PKHD1: variants seen among roughly 807,000 people sequenced by gnomAD.
PKHD1 encodes the protein PKHD1 ciliary IPT domain containing fibrocystin/polyductin, also known as fibrocystin.
Under a neutral mutation model 412.0 loss-of-function variants are expected in PKHD1, and 291 were observed. That is an observed-to-expected ratio of 0.71 (90% CI 0.64 to 0.78). The LOEUF (loss-of-function observed/expected upper bound fraction) is 0.78. Ranked by LOEUF, PKHD1 falls within the 30% of genes least tolerant of loss-of-function variation. The pLI, the probability that PKHD1 is intolerant of heterozygous loss-of-function variation, is 0.00. For synonymous variants in PKHD1, 1,777 were observed against 1,821.5 expected, an observed-to-expected ratio of 0.98 and a Z score of 0.62; for missense variants, 4,825 against 4,950.7, an observed-to-expected ratio of 0.97 and a Z score of 0.76.
intron 55 of PKHD1, among the ~76,000 whole-genome samples, chr6:51,767,524 T>C (rs1393115659): frequency 6.6e-6 from 1 of 152,120 alleles, no homozygotes; most frequent in East Asian, 1.9e-4. Context: ...TGTCCATGTG[T>C]TCTCATTGTT....
At chr6:52,018,412 A>C (rs909607109) in intron 33 of PKHD1, among the ~76,000 whole-genome samples, 3 of 152,224 alleles carry the variant, frequency 2.0e-5, no homozygotes, top group Admixed American at 2.0e-4. Flanking sequence ...AATTACAAGC[A>C]CTTGAAATTA....
At chr6:51,740,814 G>C (rs1784458791) in intron 60 of PKHD1, among the ~76,000 whole-genome samples, 1 of 152,198 alleles carries the variant, frequency 6.6e-6, no homozygotes, top group Non-Finnish European at 1.5e-5. Context: ...CATTTACTAT[G>C]TGCTGTCTCT....
chr6:51,768,297 T>TACATTAG (rs1229074945), intron 55 of PKHD1, among the ~76,000 whole-genome samples: 13 of 152,112 alleles, frequency 8.5e-5, no homozygotes, highest in Admixed American at 7.9e-4. Context: ...TTCTGATGCA[T>TACATTAG]ACATTAGACC....
chr6:51,664,447 C>G lies in PKHD1; in HGVS notation c.10157-4478G>C, dbSNP rs1047946925. On this transcript the variant is annotated intron_variant, in intron 60 of 66. Coordinates refer to ENST00000371117, the MANE Select transcript of PKHD1 (RefSeq NM_138694.4). Reference sequence around the variant, plus strand: ...CACCCTGGAGAGTTTAGCCCAGGACCGGTCCATGAGGAAACTCAGGAATAA... The same window carrying G: ...CACCCTGGAGAGTTTAGCCCAGGACGGGTCCATGAGGAAACTCAGGAATAA... Among the ~76,000 whole-genome samples, 4 of 152,094 alleles carry G rather than the reference C, an allele frequency of 2.6e-5. No homozygotes were observed. In the East Asian group the frequency reaches 7.7e-4, roughly 29 times the overall value.
At chr6:51,771,335 T>C (rs926650375) in intron 55 of PKHD1, among the ~76,000 whole-genome samples, 3 of 152,094 alleles carry the variant, frequency 2.0e-5, no homozygotes, top group African/African-American at 7.2e-5. Flanking sequence ...TTAGAATTTG[T>C]TTTAGGCCAG....
rs11392839 is a variant in PKHD1, at chr6:51,996,169, CTT to C, written c.5751+14138_5751+14139del. On this transcript the variant is annotated intron_variant, in intron 35 of 66. Transcript: ENST00000371117. ...TACAGGCGCCTGCCACGACGCCTGG[CTT>C]TTTTTTTTTTTTTTTTTTCAGTAGA... 8.0e-3 allele frequency among the ~76,000 whole-genome samples: 794 copies of C among 98,906 alleles called. 8 individuals carry two copies. The highest frequency in any genetic ancestry group is 0.027 in the African/African-American group (736 of 26,998). 64.9% of individuals were successfully genotyped at this position (98,906 alleles called of 152,430 possible).
intron 64 of PKHD1, 139 bp from the exon 65 acceptor site, chr6:51,632,862 A>G: frequency 1.8e-6 from 1 of 540,948 alleles, no homozygotes; most frequent in South Asian, 3.3e-5. Context: ...AATTTAATAA[A>G]TACATAAATT....
At chr6:51,740,166 CTGCACA>C (rs1245329793) in intron 60 of PKHD1, 5 of 384,908 alleles carry the variant, frequency 1.3e-5, no homozygotes, top group Non-Finnish European at 2.6e-5. Context: ...TCCAAGTTGG[CTGCACA>C]TGCAAACTTA....
At chr6:52,009,503 A>T (rs940484967) in intron 35 of PKHD1, among the ~76,000 whole-genome samples, 1 of 152,194 alleles carries the variant, frequency 6.6e-6, no homozygotes, top group African/African-American at 2.4e-5. Context: ...CAAATAAAAG[A>T]GACAAAAAGA....
intron 53 of PKHD1, 123 bp downstream of exon 53, chr6:51,791,110 CACT>C (rs1793665148): frequency 1.1e-6 from 1 of 925,440 alleles, no homozygotes; most frequent in Admixed American, 1.7e-5. Flanking sequence ...CTGGTGCACT[CACT>C]ACTACCTTAA....
At chr6:51,885,382 C>G (rs1008271402) in intron 45 of PKHD1, among the ~76,000 whole-genome samples, 1 of 152,054 alleles carries the variant, frequency 6.6e-6, no homozygotes, top group Non-Finnish European at 1.5e-5. Context: ...ACGAACAGTG[C>G]TTTTTCTTAA....
At chr6:51,989,059 GC>G (rs1287551491) in intron 35 of PKHD1, among the ~76,000 whole-genome samples, 2 of 152,194 alleles carry the variant, frequency 1.3e-5, no homozygotes, top group Non-Finnish European at 2.9e-5. Context: ...GCTTTTGGAA[GC>G]GATATCTTTA....
chr6:51,947,170 C>T (rs1057041497), intron 36 of PKHD1, among the ~76,000 whole-genome samples: 2 of 152,214 alleles, frequency 1.3e-5, no homozygotes, highest in African/African-American at 4.8e-5. Context: ...ATCTCAGGCT[C>T]AATGCTCAGT....
chr6:51,826,313 T>C (rs192895988), intron 52 of PKHD1, among the ~76,000 whole-genome samples: 2 of 152,184 alleles, frequency 1.3e-5, no homozygotes, highest in Non-Finnish European at 2.9e-5. Flanking sequence ...CTCCCATTCA[T>C]GTCTTCAAAT....
chr6:52,007,273 T>C (rs1799209151), intron 35 of PKHD1, among the ~76,000 whole-genome samples: 1 of 152,228 alleles, frequency 6.6e-6, no homozygotes, highest in African/African-American at 2.4e-5. Flanking sequence ...CACACTGTTA[T>C]CCATAGTGAT....
At chr6:51,934,851 A>G (rs1250109939) in intron 36 of PKHD1, among the ~76,000 whole-genome samples, 1 of 152,206 alleles carries the variant, frequency 6.6e-6, no homozygotes, top group East Asian at 1.9e-4. Flanking sequence ...CCCATTGACT[A>G]GAGCTGAGTG....
intron 49 of PKHD1, among the ~76,000 whole-genome samples, chr6:51,855,551 G>T (rs568235381): frequency 2.0e-5 from 3 of 152,104 alleles, no homozygotes; most frequent in African/African-American, 7.2e-5. Context: ...GGGTAAATTG[G>T]CTATTGACCA....
Position 52,028,333 on chromosome 6 carries a change from A to G in PKHD1, c.3383T>C (p.Ile1128Thr), listed in dbSNP as rs78624439. ...ATAGTTCATCAGCCTCGCCACTCCA[A>G]TGACCAGGGTCTCACCGCCTGTGTT... is the stretch of plus-strand genomic sequence containing the variant. ...SNIAGGETLV[I>T]GVARLMNYTD... Residue 1128 changes from isoleucine to threonine, a missense_variant, in exon 30 of 67, where the codon ATT becomes ACT. By Grantham distance (89) the Ile-to-Thr change is moderately conservative. Transcript: ENST00000371117. 4.3e-6 allele frequency: 7 copies of G among 1,613,806 alleles called. No individual in the cohort carries two copies. In the Admixed American group the frequency reaches 6.7e-5, roughly 15 times the overall value.
intron 60 of PKHD1, among the ~76,000 whole-genome samples, chr6:51,695,102 T>C (rs1300726791): frequency 6.6e-6 from 1 of 152,168 alleles, no homozygotes; most frequent in African/African-American, 2.4e-5. Context: ...CAAAGCTGAA[T>C]AAAAATGGAC....
Sources: allele counts gnomAD v4.1 joint callset (sites outside exome capture counted in the v4.1 genomes callset), GRCh38; gene constraint gnomAD v4.1.1; transcripts MANE v1.5; gene names NCBI Gene and HGNC (gene_info 2026-07-23, HGNC 2026-07-21).